FTCDNL1: variants seen among roughly 807,000 people sequenced by gnomAD.
FTCDNL1 encodes formiminotransferase N-terminal subdomain-containing protein.
A neutral mutation model predicts 5.9 loss-of-function variants in FTCDNL1; 11 were observed. The observed-to-expected ratio is 1.87, with a 90% CI of 1.18 to 3.10. FTCDNL1 has a LOEUF of 3.10. Ranked by LOEUF, FTCDNL1 falls within the 30% of genes most tolerant of loss-of-function variation. The pLI, the probability that FTCDNL1 is intolerant of heterozygous loss-of-function variation, is 0.00. For synonymous variants in FTCDNL1, 58 were observed against 24.8 expected (o/e 2.34, Z -3.99); for missense variants, 115 against 65.5 (o/e 1.76, Z -2.61).
At chr2:199,779,029 C>T (rs1314258656) in intron 3 of FTCDNL1, among the ~76,000 whole-genome samples, 1 of 152,112 alleles carries the variant, frequency 6.6e-6, no homozygotes, top group Admixed American at 6.5e-5. Context: ...TAGATTTGCT[C>T]GGTCTTAAAA....
intron 3 of FTCDNL1, among the ~76,000 whole-genome samples, chr2:199,802,163 T>C (rs1208914364): frequency 6.6e-6 from 1 of 151,468 alleles, no homozygotes. Context: ...ATCTAACTTG[T>C]GTACATTTTT....
chr2:199,727,237 T>G, the FTCDNL1 span, among the ~76,000 whole-genome samples: 3 of 152,202 alleles, frequency 2.0e-5, no homozygotes, highest in African/African-American at 7.2e-5. Context: ...TGGTCCAAAC[T>G]GCCCAGTCCC....
At chr2:199,721,124 T>C in the FTCDNL1 span, among the ~76,000 whole-genome samples, 4 of 152,206 alleles carry the variant, frequency 2.6e-5, no homozygotes, top group Non-Finnish European at 4.4e-5. Context: ...TTTTAAATTT[T>C]ATTTTATTTA....
At chr2:199,692,370 A>G in the FTCDNL1 span, among the ~76,000 whole-genome samples, 4 of 152,342 alleles carry the variant, frequency 2.6e-5, no homozygotes, top group South Asian at 4.1e-4. Context: ...TTTTTGTAAT[A>G]TGAATAATAT....
chr2:199,732,343 C>A, the FTCDNL1 span, among the ~76,000 whole-genome samples: 1 of 152,180 alleles, frequency 6.6e-6, no homozygotes, highest in South Asian at 2.1e-4. Context: ...AAAAAGTTAA[C>A]AAGTCTTGGG....
the FTCDNL1 span, among the ~76,000 whole-genome samples, chr2:199,711,686 A>G: frequency 6.6e-6 from 1 of 152,200 alleles, no homozygotes; most frequent in Non-Finnish European, 1.5e-5. Flanking sequence ...AAGGGCTTTT[A>G]AAGGGACTGT....
chr2:199,720,086 C>T, the FTCDNL1 span, among the ~76,000 whole-genome samples: 1 of 152,046 alleles, frequency 6.6e-6, no homozygotes, highest in African/African-American at 2.4e-5. Flanking sequence ...TATAGAAATG[C>T]TATTGATTTC....
the FTCDNL1 span, among the ~76,000 whole-genome samples, chr2:199,752,527 G>A: frequency 2.0e-5 from 3 of 152,166 alleles, no homozygotes; most frequent in Admixed American, 6.6e-5. Flanking sequence ...TCAAAGGCCT[G>A]AATAGAACAC....
chr2:199,710,702 G>T, the FTCDNL1 span, among the ~76,000 whole-genome samples: 2 of 152,134 alleles, frequency 1.3e-5, no homozygotes, highest in East Asian at 3.9e-4. Flanking sequence ...AAGTCTTTGG[G>T]CCTCACTTGG....
At chr2:199,667,853 A>G in the FTCDNL1 span, among the ~76,000 whole-genome samples, 6 of 152,208 alleles carry the variant, frequency 3.9e-5, no homozygotes, top group African/African-American at 1.2e-4. Flanking sequence ...TAAGTGCTCT[A>G]TAGAAGGGAG....
At chr2:199,756,868 G>C (rs1698090705), downstream of FTCDNL1, among the ~76,000 whole-genome samples, 1 of 152,172 alleles carries the variant, frequency 6.6e-6, no homozygotes, top group African/African-American at 2.4e-5. Context: ...TCTGGACATG[G>C]CTGTTCTTCT....
Position 199,815,174 on chromosome 2 carries a change from G to A in FTCDNL1, c.398-2450C>T, listed in dbSNP as rs144093913. Among the ~76,000 whole-genome samples, 579 of 152,196 alleles carry A rather than the reference G, an allele frequency of 3.8e-3. 4 individuals carry two copies. Among genetic ancestry groups the A allele is most frequent in the Middle Eastern group, 0.027 (8 of 294 alleles). ...AGATCTAAAAGTATCAACTATTACTGCTTTGCCCTTATTTATGTTCCCCAC... is the reference window on the plus strand; with the variant it reads ...AGATCTAAAAGTATCAACTATTACTACTTTGCCCTTATTTATGTTCCCCAC... On this transcript the variant is annotated intron_variant, in intron 4 of 4. Coordinates refer to ENST00000420128, the MANE Select transcript of FTCDNL1 (RefSeq NM_001363886.2).
At chr2:199,833,641 A>G (rs1702525319) in intron 3 of FTCDNL1, among the ~76,000 whole-genome samples, 1 of 152,142 alleles carries the variant, frequency 6.6e-6, no homozygotes, top group Non-Finnish European at 1.5e-5. Flanking sequence ...TGGCTCTTCC[A>G]CCTATTTGGT....
chr2:199,695,248 C>A, the FTCDNL1 span, among the ~76,000 whole-genome samples: 6 of 152,146 alleles, frequency 3.9e-5, no homozygotes, highest in Non-Finnish European at 7.4e-5. Flanking sequence ...CAAATTGGAA[C>A]AATAATATAA....
At chr2:199,739,204 G>A in the FTCDNL1 span, among the ~76,000 whole-genome samples, 107 of 152,184 alleles carry the variant, frequency 7.0e-4, no homozygotes, top group African/African-American at 2.1e-3. Flanking sequence ...TTAATCACCC[G>A]ACTTCACTCA....
At chr2:199,686,256 A>G in the FTCDNL1 span, among the ~76,000 whole-genome samples, 1 of 152,304 alleles carries the variant, frequency 6.6e-6, no homozygotes, top group South Asian at 2.1e-4. Flanking sequence ...TACTTACACC[A>G]CTACATAGTT....
chr2:199,756,394 G>C (rs1698073871), downstream of FTCDNL1, among the ~76,000 whole-genome samples: 1 of 151,850 alleles, frequency 6.6e-6, no homozygotes, highest in Non-Finnish European at 1.5e-5. Context: ...TCCTCTCTGG[G>C]CCATTTTCTT....
the FTCDNL1 span, among the ~76,000 whole-genome samples, chr2:199,707,954 T>C: frequency 6.6e-6 from 1 of 152,110 alleles, no homozygotes; most frequent in Non-Finnish European, 1.5e-5. Flanking sequence ...ATCCTGGATC[T>C]ATAGATTGAT....
At chr2:199,748,647 A>C in the FTCDNL1 span, among the ~76,000 whole-genome samples, 1 of 152,152 alleles carries the variant, frequency 6.6e-6, no homozygotes, top group East Asian at 1.9e-4. Flanking sequence ...CTATACTATT[A>C]GCGATAGTTC....
Sources: allele counts gnomAD v4.1 joint callset (sites outside exome capture counted in the v4.1 genomes callset), GRCh38; gene constraint gnomAD v4.1.1; transcripts MANE v1.5; gene names NCBI Gene and HGNC (gene_info 2026-07-23, HGNC 2026-07-21).